Variants in ZNF385D observed in about 807,000 individuals in gnomAD.
ZNF385D encodes zinc finger protein 385D.
A neutral mutation model predicts 35.8 loss-of-function variants in ZNF385D; 15 were observed. That is an observed-to-expected ratio of 0.42 (90% confidence interval 0.28 to 0.64). The LOEUF is 0.64. Ranked by LOEUF, ZNF385D falls within the 30% of genes least tolerant of loss-of-function variation. The pLI is 0.23. For synonymous variants in ZNF385D, 212 were observed against 186.8 expected (o/e 1.13, Z -1.10); for missense variants, 474 against 494.6 (o/e 0.96, Z 0.39).
chr3:22,150,661 G>A lies in ZNF385D; in HGVS notation c.325+18156C>T, dbSNP rs541040577. ...GTTAAATTACAGAAGAATAAGGATA[G>A]TAGTTAAGATATCTTATCTAGCTTG... On this transcript the variant is annotated intron_variant, in intron 3 of 5. Transcript: ENST00000494108. Among the ~76,000 whole-genome samples the A allele has an allele frequency of 1.1e-4, 16 of 152,114 alleles. 1 individual carries two copies. Among genetic ancestry groups the A allele is most frequent in the Non-Finnish European group, 2.2e-4 (15 of 68,034 alleles).
intron 3 of ZNF385D, among the ~76,000 whole-genome samples, chr3:21,996,828 A>G (rs1369573181): frequency 6.6e-6 from 1 of 152,180 alleles, no homozygotes; most frequent in Non-Finnish European, 1.5e-5. Flanking sequence ...TAGCACATTC[A>G]TTCATATTTC....
intron 4 of ZNF385D, among the ~76,000 whole-genome samples, chr3:21,450,726 G>C (rs1323912037): frequency 6.6e-6 from 1 of 152,080 alleles, no homozygotes; most frequent in Non-Finnish European, 1.5e-5. Flanking sequence ...AGAATGCTTA[G>C]ACATTGAAAA....
At chr3:21,634,138 A>C (rs2065357745) in intron 2 of ZNF385D, among the ~76,000 whole-genome samples, 1 of 152,100 alleles carries the variant, frequency 6.6e-6, no homozygotes, top group Admixed American at 6.6e-5. Flanking sequence ...TCAAGCCTGC[A>C]ATGAACCATG....
chr3:21,805,569 T>A (rs1413427950), intron 3 of ZNF385D, among the ~76,000 whole-genome samples: 1 of 152,216 alleles, frequency 6.6e-6, no homozygotes, highest in East Asian at 1.9e-4. Flanking sequence ...TCTGACCATA[T>A]GACCTTTACC....
At chr3:21,430,181 A>T (rs1701228492) in intron 5 of ZNF385D, among the ~76,000 whole-genome samples, 1 of 152,104 alleles carries the variant, frequency 6.6e-6, no homozygotes, top group African/African-American at 2.4e-5. Context: ...CAGAATATCA[A>T]CAAACATTAA....
rs143694880 is a variant in ZNF385D at position 21,788,157 on chromosome 3, G to T, written c.326-123129C>A. On this transcript the variant is annotated intron_variant, in intron 3 of 5. Transcript: ENST00000494108. ...AGAACTATTAGAAGGTTAAGTTAAA[G>T]GTATCTTCCATCGAGTAGAAATAGA... is the stretch of plus-strand genomic sequence containing the variant. 3.3e-5 allele frequency among the ~76,000 whole-genome samples: 5 copies of T among 152,262 alleles called. No individual in the cohort carries two copies. The East Asian group carries it at 7.7e-4, about 24-fold the overall frequency.
chr3:21,840,100 C>T (rs570370418), intron 3 of ZNF385D, among the ~76,000 whole-genome samples: 21 of 152,046 alleles, frequency 1.4e-4, no homozygotes, highest in African/African-American at 3.6e-4. Context: ...GCTTTTTATA[C>T]GCATATTTTT....
In ZNF385D at chr3:22,079,260, A is replaced by C. The variant is rs550658024; in HGVS notation, c.325+89557T>G. Reference sequence around the variant, plus strand: ...AAAAGAAATATAATTGCAACAAACCAAACAAATTGATCAAATGATATATCT... The same window carrying C: ...AAAAGAAATATAATTGCAACAAACCCAACAAATTGATCAAATGATATATCT... On this transcript the variant is annotated intron_variant, in intron 3 of 5. Coordinates refer to the ZNF385D transcript ENST00000494108. 2.9e-5 allele frequency among the ~76,000 whole-genome samples: 4 copies of C among 136,470 alleles called. No individual in the cohort carries two copies. The South Asian group carries it at 9.7e-4, about 33-fold the overall frequency. The allele number at this position is 136,470 out of a possible 152,430, so 89.5% of individuals were successfully genotyped here.
chr3:21,571,122 G>T (rs1482461588), intron 2 of ZNF385D, among the ~76,000 whole-genome samples: 3 of 151,992 alleles, frequency 2.0e-5, no homozygotes, highest in Non-Finnish European at 4.4e-5. Flanking sequence ...ATAAAGAGAT[G>T]GAACATTTTC....
intron 3 of ZNF385D, among the ~76,000 whole-genome samples, chr3:22,062,417 AT>A (rs1699738117): frequency 6.6e-6 from 1 of 152,154 alleles, no homozygotes; most frequent in Admixed American, 6.5e-5. Flanking sequence ...ATTTTACTTT[AT>A]AACACTTTAA....
intron 3 of ZNF385D, among the ~76,000 whole-genome samples, chr3:22,037,239 G>A (rs1277050182): frequency 1.4e-5 from 2 of 139,966 alleles, no homozygotes; most frequent in Non-Finnish European, 3.2e-5. Flanking sequence ...GAATGGGATG[G>A]CTGGGTCAAA....
At chr3:22,181,322 T>C (rs753198616) in intron 2 of ZNF385D, among the ~76,000 whole-genome samples, 9 of 152,236 alleles carry the variant, frequency 5.9e-5, no homozygotes, top group Non-Finnish European at 1.0e-4. Context: ...GCCCCTCTAA[T>C]TTCCACCTTG....
intron 2 of ZNF385D, among the ~76,000 whole-genome samples, chr3:22,290,088 G>A (rs1702223399): frequency 6.6e-6 from 1 of 152,132 alleles, no homozygotes; most frequent in South Asian, 2.1e-4. Context: ...GTGTTCTAGG[G>A]AGATTTGTGT....
chr3:22,115,752 A>G lies in ZNF385D; in HGVS notation c.325+53065T>C, dbSNP rs116253383. Among the ~76,000 whole-genome samples the G allele has an allele frequency of 1.0e-2, 1,521 of 152,174 alleles. 22 individuals carry two copies. The highest frequency in any genetic ancestry group is 0.034 in the African/African-American group (1,428 of 41,538). ...TTTCCTAATGCAAAGAAAAATATGT[A>G]CAGCTTTAGTCATATGACCTCTGAA... On this transcript the variant is annotated intron_variant, in intron 3 of 5. Coordinates refer to the ZNF385D transcript ENST00000494108.
At chr3:22,191,057 ATTAAG>A (rs1354432510) in intron 2 of ZNF385D, among the ~76,000 whole-genome samples, 10 of 152,168 alleles carry the variant, frequency 6.6e-5, no homozygotes, top group African/African-American at 2.4e-4. Flanking sequence ...AACATGGTGA[ATTAAG>A]TTAAATACAG....
chr3:21,768,720 G>A (rs2070942603), intron 3 of ZNF385D, among the ~76,000 whole-genome samples: 1 of 151,952 alleles, frequency 6.6e-6, no homozygotes, highest in Non-Finnish European at 1.5e-5. Flanking sequence ...TACAGACCAA[G>A]AGGTGGGTAG....
intron 2 of ZNF385D, among the ~76,000 whole-genome samples, chr3:22,236,174 A>C (rs572685996): frequency 6.6e-6 from 1 of 152,328 alleles, no homozygotes; most frequent in Admixed American, 6.5e-5. Context: ...GGTATAATCC[A>C]GGAAAAAATT....
intron 3 of ZNF385D, among the ~76,000 whole-genome samples, chr3:21,931,586 A>C (rs529426296): frequency 4.5e-4 from 68 of 152,304 alleles, no homozygotes; most frequent in African/African-American, 1.6e-3. Context: ...TGTCTCAGCA[A>C]TAAACAAGAA....
intron 2 of ZNF385D, among the ~76,000 whole-genome samples, chr3:22,346,183 A>G (rs955682190): frequency 6.6e-6 from 1 of 152,324 alleles, no homozygotes; most frequent in Non-Finnish European, 1.5e-5. Context: ...TGCCTATAGA[A>G]TGACTTAATT....
Sources: allele counts gnomAD v4.1 joint callset (sites outside exome capture counted in the v4.1 genomes callset), GRCh38; gene constraint gnomAD v4.1.1; transcripts MANE v1.5; gene names NCBI Gene and HGNC (gene_info 2026-07-23, HGNC 2026-07-21).